The following PCNX1 variants were observed in gnomAD, a reference collection of about 807,000 sequenced individuals.
PCNX1 encodes the protein pecanex-like protein 1.
PCNX1 carries 78 observed loss-of-function variants against 242.2 expected under a neutral mutation model. The ratio of observed to expected loss-of-function variants is 0.32; its 90% confidence interval spans 0.27 to 0.39. PCNX1 has a LOEUF of 0.39. Ranked by LOEUF, PCNX1 falls within the 10% of genes least tolerant of loss-of-function variation. PCNX1 has a pLI of 1.00. For synonymous variants in PCNX1, 1,024 were observed against 1,032.9 expected, an observed-to-expected ratio of 0.99 and a Z score of 0.17; for missense variants, 2,581 against 2,856.5, an observed-to-expected ratio of 0.90 and a Z score of 2.20.
chr14:71,093,619 T>C (rs2062194598), intron 30 of PCNX1: 1 of 152,234 alleles, frequency 6.6e-6, no homozygotes, highest in African/African-American at 2.4e-5. Context: ...GAATTGGTAC[T>C]ATATGGAAAC....
chr14:71,085,832 T>C, intron 28 of PCNX1: 1 of 357,158 alleles, frequency 2.8e-6, no homozygotes. Flanking sequence ...TTCTCTGTTT[T>C]CCTTATCAAT....
At chr14:70,961,029 T>C (rs2058192148) in intron 2 of PCNX1, among the ~76,000 whole-genome samples, 1 of 152,168 alleles carries the variant, frequency 6.6e-6, no homozygotes, top group African/African-American at 2.4e-5. Context: ...TACAAACAAA[T>C]GGAAGAACAT....
chr14:71,098,553 T>TGTGTGTGTGAGAGAGA (rs60367565), intron 30 of PCNX1, among the ~76,000 whole-genome samples: 31 of 125,726 alleles, frequency 2.5e-4, no homozygotes, highest in East Asian at 2.2e-3. Flanking sequence ...TGTGTGTGTG[T>TGTGTGTGTGAGAGAGA]GAGAGAGAGA....
chr14:71,007,985 T>G (rs1260571491), intron 8 of PCNX1, among the ~76,000 whole-genome samples: 1 of 152,076 alleles, frequency 6.6e-6, no homozygotes, highest in African/African-American at 2.4e-5. Flanking sequence ...TTAAATAATT[T>G]ACATGCTGAA....
intron 34 of PCNX1, 148 bp downstream of exon 34, chr14:71,109,194 A>G: frequency 1.2e-6 from 1 of 862,534 alleles, no homozygotes; most frequent in Non-Finnish European, 1.8e-6. Flanking sequence ...AAATTTCTTC[A>G]AACTTAAAAA....
chr14:71,084,398 C>G (rs2061932321), intron 28 of PCNX1, among the ~76,000 whole-genome samples: 1 of 152,222 alleles, frequency 6.6e-6, no homozygotes, highest in South Asian at 2.1e-4. Context: ...ATCCGCTGCT[C>G]TCTTCAGAGC....
In PCNX1 at chr14:71,108,601, T is replaced by G. The variant is rs773454375; in HGVS notation, c.6302-3T>G. The G allele has an allele frequency of 6.3e-7, 1 of 1,599,958 alleles. No individual in the cohort carries two copies. On this transcript the variant is annotated splice_polypyrimidine_tract_variant and splice_region_variant and intron_variant, in intron 33 of 35. Transcript: ENST00000304743. ...GAGTGAGTGCTGCTGTTTCTCCTCCTAGGCACTAGCCACAGCTCTCACTCT... is the reference window on the plus strand; with the variant it reads ...GAGTGAGTGCTGCTGTTTCTCCTCCGAGGCACTAGCCACAGCTCTCACTCT...
At chr14:70,925,457 C>T (rs1437213877) in intron 1 of PCNX1, among the ~76,000 whole-genome samples, 1 of 152,024 alleles carries the variant, frequency 6.6e-6, no homozygotes, top group Admixed American at 6.6e-5. Flanking sequence ...ATTTTTCCCC[C>T]CATTTTACAG....
chr14:71,068,209 TAATCCCA>T (rs1435111420), intron 26 of PCNX1, among the ~76,000 whole-genome samples: 3 of 151,842 alleles, frequency 2.0e-5, no homozygotes, highest in Admixed American at 1.3e-4. Context: ...TGGACACCTG[TAATCCCA>T]ACTACTCAGG....
chr14:71,101,042 T>C, intron 30 of PCNX1, among the ~76,000 whole-genome samples: 1 of 152,196 alleles, frequency 6.6e-6, no homozygotes, highest in East Asian at 1.9e-4. Context: ...TACAGTATTA[T>C]CTCACATATC....
At chr14:71,071,423 T>C (rs776585847) in intron 26 of PCNX1, among the ~76,000 whole-genome samples, 3 of 152,176 alleles carry the variant, frequency 2.0e-5, no homozygotes, top group African/African-American at 4.8e-5. Context: ...TCATGTTGAA[T>C]TGTAATACCC....
intron 19 of PCNX1, among the ~76,000 whole-genome samples, chr14:71,041,082 G>C (rs1305056918): frequency 2.6e-5 from 4 of 151,990 alleles, no homozygotes; most frequent in Admixed American, 2.0e-4. Flanking sequence ...ATCTGTTGAT[G>C]GACGCTTAGG....
intron 6 of PCNX1, among the ~76,000 whole-genome samples, chr14:70,987,120 T>C (rs2059023382): frequency 6.6e-6 from 1 of 152,222 alleles, no homozygotes; most frequent in South Asian, 2.1e-4. Flanking sequence ...GTGGCAATGC[T>C]GATTGCATTT....
chr14:71,034,916 A>T (rs543776505), intron 18 of PCNX1, among the ~76,000 whole-genome samples: 5 of 152,374 alleles, frequency 3.3e-5, no homozygotes, highest in Admixed American at 2.6e-4. Context: ...ATGACCAAAG[A>T]GATCAAGAGG....
At chr14:70,935,813 A>G (rs2056978782) in intron 1 of PCNX1, among the ~76,000 whole-genome samples, 1 of 152,210 alleles carries the variant, frequency 6.6e-6, no homozygotes, top group African/African-American at 2.4e-5. Flanking sequence ...GGCATAAGAA[A>G]CCTCGCTTAA....
intron 1 of PCNX1, among the ~76,000 whole-genome samples, chr14:70,910,046 T>C (rs143496738): frequency 0.034 from 2,197 of 64,188 alleles, 52 homozygotes; most frequent in Admixed American, 0.056. Flanking sequence ...CTCCTCCTCC[T>C]CCTCCTCCTC....
intron 7 of PCNX1, among the ~76,000 whole-genome samples, chr14:70,994,883 T>C (rs944958064): frequency 9.9e-5 from 15 of 152,000 alleles, no homozygotes; most frequent in African/African-American, 3.6e-4. Flanking sequence ...ATAATTTTAA[T>C]CTCAAAATAC....
At chr14:71,070,521 C>G (rs8021824) in intron 26 of PCNX1, among the ~76,000 whole-genome samples, 85,162 of 152,052 alleles carry the variant, frequency 0.56, 25,290 homozygotes, top group East Asian at 0.74. Context: ...CGGATGTTGT[C>G]TTAGCAGGCA....
chr14:70,985,917 TG>T (rs947329233), intron 6 of PCNX1, among the ~76,000 whole-genome samples: 4 of 152,084 alleles, frequency 2.6e-5, no homozygotes, highest in Non-Finnish European at 5.9e-5. Context: ...TTTTTTTTTT[TG>T]GTTCACTATT....
Sources: allele counts gnomAD v4.1 joint callset (sites outside exome capture counted in the v4.1 genomes callset), GRCh38; gene constraint gnomAD v4.1.1; transcripts MANE v1.5; gene names NCBI Gene and HGNC (gene_info 2026-07-23, HGNC 2026-07-21).